DYRK1A: variants seen among roughly 807,000 people sequenced by gnomAD.
DYRK1A encodes the protein dual specificity tyrosine-phosphorylation-regulated kinase 1A.
In DYRK1A, 9 loss-of-function variants were observed where a neutral mutation model predicts 79.7. That is an observed-to-expected ratio of 0.11 (90% CI 0.07 to 0.20). The LOEUF (loss-of-function observed/expected upper bound fraction) is 0.20, where lower values mean the gene tolerates loss of function less well. DYRK1A is among the 10% of genes least tolerant of loss of function. The pLI is 1.00. For missense variants in DYRK1A, 622 were observed against 956.0 expected (o/e 0.65, Z 4.61); for synonymous variants, 349 against 329.7 (o/e 1.06, Z -0.63).
chr21:37,479,619 GTTTT>G (rs565080496), intron 4 of DYRK1A, among the ~76,000 whole-genome samples: 4 of 73,898 alleles, frequency 5.4e-5, no homozygotes, highest in African/African-American at 1.6e-4. Context: ...TTTGTTTTTT[GTTTT>G]TTTTTTTTTT....
At chr21:37,500,691 T>A (rs2053415396) in intron 9 of DYRK1A, among the ~76,000 whole-genome samples, 2 of 152,110 alleles carry the variant, frequency 1.3e-5, no homozygotes, top group Admixed American at 6.5e-5. Flanking sequence ...TTTGGTAAGT[T>A]GTATCTTTCA....
intron 1 of DYRK1A, among the ~76,000 whole-genome samples, chr21:37,407,939 G>A (rs17229325): frequency 0.032 from 4,797 of 151,976 alleles, 130 homozygotes; most frequent in Non-Finnish European, 0.047. Flanking sequence ...CTGAAAGGGA[G>A]TTTTACCCCG....
chr21:37,521,988 T>C lies in DYRK1A; in HGVS notation c.*9457T>C, dbSNP rs1356810359. Reference sequence around the variant, plus strand: ...AAAGTCGGGCCTGGGAATGGCCAATTTCTGGTCATTCTCATATAGGCAACT... The same window carrying C: ...AAAGTCGGGCCTGGGAATGGCCAATCTCTGGTCATTCTCATATAGGCAACT... On this transcript the variant is annotated 3_prime_UTR_variant, in exon 12 of 12. Transcript: ENST00000647188. The C allele has an allele frequency of 6.6e-6, 1 of 152,218 alleles. No individual in the cohort carries two copies. Among genetic ancestry groups the C allele is most frequent in the Non-Finnish European group, 1.5e-5 (1 of 68,094 alleles). 9.4% of individuals were successfully genotyped at this position (152,218 alleles called of 1,614,324 possible).
At chr21:37,508,662 G>C (rs928450916) in intron 11 of DYRK1A, among the ~76,000 whole-genome samples, 1 of 151,980 alleles carries the variant, frequency 6.6e-6, no homozygotes, top group African/African-American at 2.4e-5. Flanking sequence ...TCAAGGCGTC[G>C]GTGCTTTCCA....
At chr21:37,452,993 C>T (rs2051509152) in intron 2 of DYRK1A, among the ~76,000 whole-genome samples, 2 of 151,954 alleles carry the variant, frequency 1.3e-5, no homozygotes, top group Admixed American at 6.6e-5. Context: ...GCCTATAATC[C>T]CAGCATTTTG....
chr21:37,398,366 C>T lies in DYRK1A; in HGVS notation c.-76-21933C>T, dbSNP rs953550120. Among the ~76,000 whole-genome samples, 7 of 151,078 alleles carry T rather than the reference C, an allele frequency of 4.6e-5. No homozygotes were observed. In the South Asian group the frequency reaches 8.3e-4, roughly 18 times the overall value. ...CTTAAAAAAAAAAAAATAAAAGTGCCGTAAAAATTTTTAGGTGGTATTACA... is the reference window on the plus strand; with the variant it reads ...CTTAAAAAAAAAAAAATAAAAGTGCTGTAAAAATTTTTAGGTGGTATTACA... On this transcript the variant is annotated intron_variant, in intron 1 of 11. Transcript: ENST00000647188.
At chr21:37,465,989 A>C (rs919818307) in intron 2 of DYRK1A, among the ~76,000 whole-genome samples, 2 of 152,356 alleles carry the variant, frequency 1.3e-5, no homozygotes, top group African/African-American at 4.8e-5. Flanking sequence ...GACAGTGCTG[A>C]TGCAGCCCCT....
At chr21:37,460,223 A>G (rs2051793907) in intron 2 of DYRK1A, among the ~76,000 whole-genome samples, 1 of 151,912 alleles carries the variant, frequency 6.6e-6, no homozygotes, top group African/African-American at 2.4e-5. Flanking sequence ...TGTTTTATTT[A>G]TTGCAACATG....
intron 2 of DYRK1A, chr21:37,430,433 A>G (rs1192180466): frequency 4.1e-6 from 4 of 983,448 alleles, no homozygotes; most frequent in African/African-American, 1.7e-5. Flanking sequence ...ATTTAATTCT[A>G]TGATATGTGT....
chr21:37,467,117 A>AAAAC (rs1487160145), intron 2 of DYRK1A, among the ~76,000 whole-genome samples: 5 of 151,120 alleles, frequency 3.3e-5, no homozygotes, highest in African/African-American at 1.2e-4. Context: ...AAAAAAAAAA[A>AAAAC]AAAACAAAAC....
At chr21:37,482,473 A>G (rs537709614) in intron 5 of DYRK1A, among the ~76,000 whole-genome samples, 8 of 152,306 alleles carry the variant, frequency 5.3e-5, no homozygotes, top group African/African-American at 1.7e-4. Context: ...TATACGAATA[A>G]GGTGTGGGTC....
At chr21:37,437,988 T>G (rs1035028331) in intron 2 of DYRK1A, among the ~76,000 whole-genome samples, 14 of 152,218 alleles carry the variant, frequency 9.2e-5, no homozygotes, top group African/African-American at 3.1e-4. Context: ...GAGTTTCAGT[T>G]GCTTCACATT....
chr21:37,454,085 C>CTTTTTTTTTTTTTTTTTT lies in DYRK1A; in HGVS notation c.11-18591_11-18574dup, dbSNP rs571859735. Among the ~76,000 whole-genome samples, 20 of 59,624 alleles carry CTTTTTTTTTTTTTTTTTT rather than the reference C, an allele frequency of 3.4e-4. 5 individuals are homozygous for CTTTTTTTTTTTTTTTTTT. Among genetic ancestry groups the CTTTTTTTTTTTTTTTTTT allele is most frequent in the East Asian group, 1.2e-3 (2 of 1,616 alleles). The allele number at this position is 59,624 out of a possible 152,430, so 39.1% of individuals were successfully genotyped here. On this transcript the variant is annotated intron_variant, in intron 2 of 11. Transcript: ENST00000647188. ...CTTTCATATTATGAGATGTAGTCTC[C>CTTTTTTTTTTTTTTTTTT]TTTTTTTTTTTTTTTTTTTTTTTTT...
At chr21:37,469,418 G>C (rs2052143511) in intron 2 of DYRK1A, among the ~76,000 whole-genome samples, 1 of 152,178 alleles carries the variant, frequency 6.6e-6, no homozygotes, top group Non-Finnish European at 1.5e-5. Flanking sequence ...ACAAACTGCA[G>C]TTTATAGGCA....
chr21:37,501,177 T>C (rs1285527901), intron 9 of DYRK1A: 1 of 143,324 alleles, frequency 7.0e-6, no homozygotes, highest in Non-Finnish European at 1.5e-5. Flanking sequence ...TTTTTTTTTT[T>C]TTTTTTTTTT....
intron 5 of DYRK1A, among the ~76,000 whole-genome samples, chr21:37,482,695 T>C (rs2052694420): frequency 6.6e-6 from 1 of 152,180 alleles, no homozygotes; most frequent in Non-Finnish European, 1.5e-5. Context: ...CTTGTCCTAA[T>C]AAGCCTGGGG....
rs769519551 is a variant in DYRK1A, at chr21:37,512,057, C to T, written c.1791C>T (p.Ser597=). 4 of 1,613,972 alleles carry T rather than the reference C, an allele frequency of 2.5e-6. No individual in the cohort carries two copies. Among genetic ancestry groups the T allele is most frequent in the Non-Finnish European group, 3.4e-6 (4 of 1,179,974 alleles). ...TGCATCATCACCATGGTAACAGTTC[C>T]CATCACCATCACCACCACCACCACC... ...NALHHHHGNS[S]HHHHHHHHHH... The change falls in exon 12 of 12, where the codon TCC becomes TCT. Residue 597 remains serine (S), a synonymous_variant. Coordinates refer to ENST00000647188, the MANE Select transcript of DYRK1A (RefSeq NM_001347721.2).
intron 1 of DYRK1A, among the ~76,000 whole-genome samples, chr21:37,414,913 A>C (rs1481177746): frequency 6.6e-6 from 1 of 152,234 alleles, no homozygotes; most frequent in Admixed American, 6.5e-5. Context: ...ATAGAATATC[A>C]GTGGTAGTTT....
intron 11 of DYRK1A, among the ~76,000 whole-genome samples, chr21:37,506,551 G>A (rs1456982042): frequency 6.6e-6 from 1 of 152,118 alleles, no homozygotes; most frequent in East Asian, 1.9e-4. Flanking sequence ...GACTTCATGG[G>A]CTAAGTAAAT....
Sources: gnomAD v4.1 joint callset for allele counts (sites outside exome capture counted in the v4.1 genomes callset) on GRCh38, gnomAD v4.1.1 for gene constraint, MANE v1.5 for transcripts, NCBI Gene and HGNC (gene_info 2026-07-23, HGNC 2026-07-21) for gene names.